PLXNA2: variants seen among roughly 807,000 people sequenced by gnomAD.
PLXNA2 encodes the protein plexin A2.
A neutral mutation model predicts 193.5 loss-of-function variants in PLXNA2; 91 were observed. That is an observed-to-expected ratio of 0.47 (90% confidence interval 0.40 to 0.56). The LOEUF (loss-of-function observed/expected upper bound fraction) is 0.56. Ranked by LOEUF, PLXNA2 falls within the 20% of genes least tolerant of loss-of-function variation. The pLI, the probability that PLXNA2 is intolerant of heterozygous loss-of-function variation, is 0.00. For synonymous variants in PLXNA2, 997 were observed against 1,027.3 expected (o/e 0.97, Z 0.56); for missense variants, 1,995 against 2,503.2 (o/e 0.80, Z 4.33).
chr1:208,204,043 C>T (rs1670639513), intron 3 of PLXNA2, among the ~76,000 whole-genome samples: 1 of 152,164 alleles, frequency 6.6e-6, no homozygotes, highest in South Asian at 2.1e-4. Context: ...GTCAGGGCTT[C>T]CTGTGGGCTG....
intron 3 of PLXNA2, among the ~76,000 whole-genome samples, chr1:208,186,389 A>G (rs1669998043): frequency 6.6e-6 from 1 of 152,222 alleles, no homozygotes. Flanking sequence ...CAACAGAGAA[A>G]TGTACAAAAT....
chr1:208,027,738 G>C (rs1335717134), intron 31 of PLXNA2, among the ~76,000 whole-genome samples: 2 of 152,352 alleles, frequency 1.3e-5, no homozygotes, highest in African/African-American at 4.8e-5. Context: ...TTCATTAAGA[G>C]AGAATGAAAT....
At position 208,038,852 on chromosome 1, in the gene PLXNA2, G is replaced by A. The variant is rs756497678; in HGVS notation, c.4633C>T (p.Arg1545Trp). The change falls in exon 25 of 32, where the codon CGG becomes TGG. Residue 1545 changes from arginine (R) to tryptophan (W), a missense_variant. Physicochemically the swap from Arg to Trp is moderately radical, Grantham distance 101. This residue lies in a region of PLXNA2 where 1,291 missense variants were observed against 1,673.6 expected (regional missense o/e 0.77). Transcript: ENST00000367033. The surrounding 1 kb of genome is among the most constrained non-coding windows in gnomAD (Gnocchi z 4.1). ...AAGTCCATGTCCACTGCCCTCGGCC[G>A]CTGGGAATAGGGCACATTCTTATAC... ...AVYKNVPYSQ[R>W]PRAVDMDLEW... The A allele has an allele frequency of 1.8e-5, 29 of 1,613,960 alleles. No individual in the cohort carries two copies. Among genetic ancestry groups the A allele is most frequent in the Middle Eastern group, 1.6e-4 (1 of 6,062 alleles).
intron 12 of PLXNA2, among the ~76,000 whole-genome samples, chr1:208,078,127 T>C (rs1454925890): frequency 1.3e-5 from 2 of 152,218 alleles, no homozygotes; most frequent in Non-Finnish European, 2.9e-5. Flanking sequence ...GGCATGTCAC[T>C]CAATTTCTCT....
chr1:208,043,299 T>G, intron 20 of PLXNA2, 96 bp from the exon 21 acceptor site: 1 of 1,184,150 alleles, frequency 8.4e-7, no homozygotes, highest in South Asian at 1.4e-5. Flanking sequence ...GGGGAGGACC[T>G]TTTGTAGAGA....
chr1:208,141,502 C>A (rs1027573643), intron 4 of PLXNA2, among the ~76,000 whole-genome samples: 4 of 152,200 alleles, frequency 2.6e-5, no homozygotes, highest in African/African-American at 9.7e-5. Context: ...TTCCTCATTT[C>A]TTTGGCCTTT....
At position 208,038,822 on chromosome 1, in the gene PLXNA2, T is replaced by C; in HGVS notation, c.4660+3A>G. The C allele has an allele frequency of 6.2e-7, 1 of 1,613,210 alleles. No homozygotes were observed. The highest frequency in any genetic ancestry group is 8.5e-7 in the Non-Finnish European group (1 of 1,179,430). ...CCTCACACTCTGAGTCCAGGTTTCC[T>C]ACCCAAGTCCATGTCCACTGCCCTC... On this transcript the variant is annotated splice_donor_region_variant and intron_variant, in intron 25 of 31. Coordinates refer to ENST00000367033, the MANE Select transcript of PLXNA2 (RefSeq NM_025179.4). The surrounding 1 kb of genome is among the most constrained non-coding windows in gnomAD (Gnocchi z 4.1).
chr1:208,091,803 G>C (rs1666719948), intron 9 of PLXNA2, among the ~76,000 whole-genome samples: 1 of 151,402 alleles, frequency 6.6e-6, no homozygotes, highest in Non-Finnish European at 1.5e-5. Flanking sequence ...CCGGGAGGCA[G>C]AGGTTGCAGT....
intron 1 of PLXNA2, among the ~76,000 whole-genome samples, chr1:208,226,129 T>C (rs942444293): frequency 4.6e-5 from 7 of 152,212 alleles, no homozygotes; most frequent in African/African-American, 1.4e-4. Context: ...ACTCACTTGC[T>C]CTGCCCATGA....
intron 17 of PLXNA2, among the ~76,000 whole-genome samples, chr1:208,048,478 C>T (rs1044868754): frequency 2.0e-5 from 3 of 152,202 alleles, no homozygotes; most frequent in Admixed American, 2.0e-4. Context: ...CTGTAGATAC[C>T]AGGCAGGTCA....
At chr1:208,218,272 C>T (rs1399844688) in intron 1 of PLXNA2, among the ~76,000 whole-genome samples, 1 of 151,984 alleles carries the variant, frequency 6.6e-6, no homozygotes, top group East Asian at 1.9e-4. Context: ...CCCCTTAAGC[C>T]ATCGTTTTCA....
intron 8 of PLXNA2, among the ~76,000 whole-genome samples, chr1:208,095,276 C>T (rs1666843986): frequency 6.6e-6 from 1 of 152,196 alleles, no homozygotes; most frequent in Non-Finnish European, 1.5e-5. Flanking sequence ...TCAGCAGAAA[C>T]TAAGTAGGGG....
intron 22 of PLXNA2, among the ~76,000 whole-genome samples, chr1:208,040,658 C>T (rs191549827): frequency 2.6e-5 from 4 of 152,334 alleles, no homozygotes; most frequent in Non-Finnish European, 5.9e-5. Context: ...CATCCAACCC[C>T]AGTGGTTGTT....
At chr1:208,147,054 C>T (rs1668624465) in intron 3 of PLXNA2, among the ~76,000 whole-genome samples, 1 of 152,202 alleles carries the variant, frequency 6.6e-6, no homozygotes. Context: ...CAGGGTCTCA[C>T]TCTGTGCCAC....
chr1:208,166,696 GA>G (rs892948549), intron 3 of PLXNA2, among the ~76,000 whole-genome samples: 3 of 152,216 alleles, frequency 2.0e-5, no homozygotes, highest in African/African-American at 7.2e-5. Context: ...TTATAACAAT[GA>G]AAACCGCAAA....
At chr1:208,142,494 C>A in intron 3 of PLXNA2, 31 bp from the exon 4 acceptor site, 1 of 1,575,584 alleles carries the variant, frequency 6.3e-7, no homozygotes. Context: ...TCCTCAGCAT[C>A]TGCCCTCAGT....
chr1:208,142,272 A>G (rs1668478932), intron 4 of PLXNA2, 57 bp downstream of exon 4: 1 of 1,525,094 alleles, frequency 6.6e-7, no homozygotes, highest in South Asian at 1.3e-5. Flanking sequence ...AACAAAGGTG[A>G]CAGATTATCA....
intron 4 of PLXNA2, among the ~76,000 whole-genome samples, chr1:208,133,391 C>T (rs551456716): frequency 5.9e-5 from 9 of 152,292 alleles, no homozygotes; most frequent in South Asian, 2.1e-4. Flanking sequence ...CAAAAGCATA[C>T]GTAATAGTGC....
chr1:208,111,110 G>A (rs548631747), intron 4 of PLXNA2, among the ~76,000 whole-genome samples: 1 of 152,260 alleles, frequency 6.6e-6, no homozygotes, highest in East Asian at 1.9e-4. Flanking sequence ...GAGTACAGTG[G>A]TGCAATCACA....
Sources: allele counts gnomAD v4.1 joint callset (sites outside exome capture counted in the v4.1 genomes callset), GRCh38; gene constraint gnomAD v4.1.1; regional missense constraint gnomAD v4.1.1; non-coding constraint Gnocchi (gnomAD v3.1); transcripts MANE v1.5; gene names NCBI Gene and HGNC (gene_info 2026-07-23, HGNC 2026-07-21).